The following ANO2 variants were observed in gnomAD, a reference collection of about 807,000 sequenced individuals.
The protein encoded by ANO2 is anoctamin-2.
Under a neutral mutation model 124.2 loss-of-function variants are expected in ANO2, and 101 were observed. That is an observed-to-expected ratio of 0.81 (90% CI 0.69 to 0.96). The LOEUF (loss-of-function observed/expected upper bound fraction) is 0.96, where lower values mean the gene tolerates loss of function less well. Ranked by LOEUF, ANO2 falls within the 40% of genes least tolerant of loss-of-function variation. ANO2 has a pLI of 0.00. For missense variants in ANO2, 1,293 were observed against 1,274.5 expected, an observed-to-expected ratio of 1.01 and a Z score of -0.22; for synonymous variants, 486 against 482.5, an observed-to-expected ratio of 1.01 and a Z score of -0.09.
chr12:5,844,868 T>TGTTTGTTTGTTC (rs1381826209), intron 4 of ANO2, among the ~76,000 whole-genome samples: 2 of 152,044 alleles, frequency 1.3e-5, no homozygotes, highest in Non-Finnish European at 1.5e-5. Flanking sequence ...TTTGTTTGTT[T>TGTTTGTTTGTTC]GTTTTTACTA....
rs116223220 is a variant in ANO2 at position 5,581,957 on chromosome 12, T to C, written c.2234-3439A>G. On this transcript the variant is annotated intron_variant, in intron 20 of 24. Transcript: ENST00000682330. Reference sequence around the variant, plus strand: ...AAGTTTTGTTTTATTTGGGGGAGAATAAAACATAAAACCATAACTCTCTAG... The same window carrying C: ...AAGTTTTGTTTTATTTGGGGGAGAACAAAACATAAAACCATAACTCTCTAG... Among the ~76,000 whole-genome samples the C allele has an allele frequency of 4.2e-3, 641 of 152,202 alleles. 6 individuals carry two copies. The highest frequency in any genetic ancestry group is 0.014 in the African/African-American group (580 of 41,528).
intron 3 of ANO2, among the ~76,000 whole-genome samples, chr12:5,915,401 T>A (rs1005524725): frequency 6.6e-6 from 1 of 152,150 alleles, no homozygotes; most frequent in Non-Finnish European, 1.5e-5. Context: ...TATGTGCCAA[T>A]TATCATCCTG....
chr12:5,576,842 G>A (rs576330060), intron 22 of ANO2, among the ~76,000 whole-genome samples: 3 of 152,210 alleles, frequency 2.0e-5, no homozygotes, highest in African/African-American at 2.4e-5. Flanking sequence ...GAATGTGAAC[G>A]GCCAGAACCA....
At chr12:5,792,348 T>C (rs1952722056) in intron 10 of ANO2, among the ~76,000 whole-genome samples, 2 of 152,236 alleles carry the variant, frequency 1.3e-5, no homozygotes, top group African/African-American at 4.8e-5. Context: ...AATAGGGAAC[T>C]CTTCCTTGTT....
chr12:5,563,371 G>A lies in ANO2; in HGVS notation c.2925C>T (p.Ala975=), dbSNP rs754234767. Reference sequence around the variant, plus strand: ...GGCTTTGGCCTGAAGGTGCTGAGCTGGCTGCCCGGCTCCTGCTTCGATCCC... The same window carrying A: ...GGCTTTGGCCTGAAGGTGCTGAGCTAGCTGCCCGGCTCCTGCTTCGATCCC... ...GGGDRSRSRA[A]SSAPSGQSQL... The change falls in exon 25 of 25, where the codon GCC becomes GCT. Residue 975 remains alanine (A), a synonymous_variant. Transcript: ENST00000682330. 1.2e-6 allele frequency: 2 copies of A among 1,604,772 alleles called. No homozygotes were observed. The highest frequency in any genetic ancestry group is 4.5e-5 in the East Asian group (2 of 44,534).
intron 7 of ANO2, 151 bp downstream of exon 7, chr12:5,827,618 G>A (rs952346902): frequency 1.1e-5 from 10 of 919,878 alleles, no homozygotes; most frequent in African/African-American, 3.3e-5. Flanking sequence ...CTGGGGCCAA[G>A]GCAGGCTTCT....
intron 23 of ANO2, among the ~76,000 whole-genome samples, chr12:5,569,220 G>A (rs1397335962): frequency 2.0e-5 from 3 of 152,202 alleles, no homozygotes; most frequent in African/African-American, 7.2e-5. Flanking sequence ...GTGCTGGCTG[G>A]TGGGTGGAGG....
At position 5,787,465 on chromosome 12, in the gene ANO2, G is replaced by C. The variant is rs1187784671; in HGVS notation, c.1055+12042C>G. ...GGGCATACACATGGTGGAGAAGCCA[G>C]ACTCAGGAGTTCAGATCCTACCTCT... On this transcript the variant is annotated intron_variant, in intron 10 of 24. Transcript: ENST00000682330. This position sits in a 1 kb window ranked among gnomAD's most constrained non-coding sequence, Gnocchi z 4.2. 6.6e-6 allele frequency among the ~76,000 whole-genome samples: 1 copy of C among 152,162 alleles called. No individual in the cohort carries two copies. Among genetic ancestry groups the C allele is most frequent in the Non-Finnish European group, 1.5e-5 (1 of 68,028 alleles).
chr12:5,703,037 T>A (rs911129397), intron 14 of ANO2, among the ~76,000 whole-genome samples: 2 of 152,116 alleles, frequency 1.3e-5, no homozygotes, highest in Non-Finnish European at 2.9e-5. Flanking sequence ...AAAACACATA[T>A]GTAAGAGGAT....
chr12:5,651,123 T>C (rs1262914849), intron 14 of ANO2, among the ~76,000 whole-genome samples: 1 of 152,226 alleles, frequency 6.6e-6, no homozygotes, highest in Non-Finnish European at 1.5e-5. Flanking sequence ...CAGGTGACTA[T>C]AAAGCACTTA....
chr12:5,635,321 A>G lies in ANO2; in HGVS notation c.1647T>C (p.Phe549=). ...TTGTTATTCGATACACTATCACCCC[A>G]AAGACGATTGAGAATGTCAGGGCAA... The part of the protein sequence containing the change: ...FMIALTFSIV[F]GVIVYRITTA... The change falls in exon 16 of 25, where the codon TTT becomes TTC. Residue 549 remains phenylalanine, a synonymous_variant. Transcript: ENST00000682330. The surrounding 1 kb of genome is among the most constrained non-coding windows in gnomAD (Gnocchi z 5.2). The G allele has an allele frequency of 6.9e-6, 11 of 1,587,802 alleles. No homozygotes were observed. The highest frequency in any genetic ancestry group is 9.4e-6 in the Non-Finnish European group (11 of 1,170,820).
intron 3 of ANO2, among the ~76,000 whole-genome samples, chr12:5,863,450 C>A (rs1293269536): frequency 6.6e-6 from 1 of 152,226 alleles, no homozygotes; most frequent in Non-Finnish European, 1.5e-5. Context: ...GGCCCCAGCT[C>A]TGTCACTTAC....
At chr12:5,729,346 C>T (rs1841224609) in intron 14 of ANO2, among the ~76,000 whole-genome samples, 1 of 152,004 alleles carries the variant, frequency 6.6e-6, no homozygotes, top group Admixed American at 6.6e-5. Context: ...TTTTAAGAGG[C>T]AAAGGATTTG....
intron 4 of ANO2, among the ~76,000 whole-genome samples, chr12:5,849,478 G>A (rs928941542): frequency 6.6e-6 from 1 of 152,192 alleles, no homozygotes; most frequent in African/African-American, 2.4e-5. Context: ...CTTCCATACC[G>A]CCATTTCAAA....
intron 3 of ANO2, among the ~76,000 whole-genome samples, chr12:5,914,944 A>G (rs1356034639): frequency 6.6e-6 from 1 of 152,042 alleles, no homozygotes; most frequent in East Asian, 1.9e-4. Context: ...AGGTTTCTTT[A>G]AGAGAGAGTG....
intron 9 of ANO2, among the ~76,000 whole-genome samples, chr12:5,803,310 C>T (rs1206729242): frequency 6.6e-6 from 1 of 152,190 alleles, no homozygotes; most frequent in Non-Finnish European, 1.5e-5. Flanking sequence ...AAAATGAATC[C>T]TCAGTTGGAA....
chr12:5,870,562 A>G (rs1955546614), intron 3 of ANO2: 1 of 152,252 alleles, frequency 6.6e-6, no homozygotes, highest in East Asian at 1.9e-4. Context: ...TTCTACTGCA[A>G]ATGTACTTTG....
intron 3 of ANO2, among the ~76,000 whole-genome samples, chr12:5,868,332 C>G (rs1229616606): frequency 2.0e-5 from 3 of 152,022 alleles, no homozygotes; most frequent in Non-Finnish European, 4.4e-5. Flanking sequence ...TCAGAGAGAC[C>G]CTGCTGAAAA....
chr12:5,854,263 CT>C (rs1955020831), intron 3 of ANO2, 122 bp from the exon 4 acceptor site: 6 of 869,040 alleles, frequency 6.9e-6, no homozygotes, highest in Non-Finnish European at 1.1e-5. Flanking sequence ...CGTTTTCGTT[CT>C]CTTTAAAATT....
Sources: gnomAD v4.1 joint callset for allele counts (sites outside exome capture counted in the v4.1 genomes callset) on GRCh38, gnomAD v4.1.1 for gene constraint, Gnocchi (gnomAD v3.1) non-coding constraint, MANE v1.5 for transcripts, NCBI Gene and HGNC (gene_info 2026-07-23, HGNC 2026-07-21) for gene names.